Variants in KCNIP4 observed in about 807,000 individuals in gnomAD.
KCNIP4 encodes the protein potassium voltage-gated channel interacting protein 4.
In KCNIP4, 12 loss-of-function variants were observed where a neutral mutation model predicts 34.0. That is an observed-to-expected ratio of 0.35 (90% CI 0.23 to 0.57). The LOEUF is 0.57. Among genes scored for constraint, KCNIP4 ranks in the 20% least tolerant of loss-of-function variants. KCNIP4 has a pLI of 0.83. For synonymous variants in KCNIP4, 124 were observed against 102.2 expected, an observed-to-expected ratio of 1.21 and a Z score of -1.29; for missense variants, 238 against 311.7, an observed-to-expected ratio of 0.76 and a Z score of 1.78.
intron 1 of KCNIP4, among the ~76,000 whole-genome samples, chr4:20,937,875 AG>A (rs1731241843): frequency 6.6e-6 from 1 of 151,988 alleles, no homozygotes; most frequent in Admixed American, 6.6e-5. Context: ...GCCTAGTCAT[AG>A]GTTTAACTTT....
intron 1 of KCNIP4, chr4:21,697,512 G>GAAAAA: frequency 6.7e-7 from 1 of 1,485,132 alleles, no homozygotes; most frequent in Non-Finnish European, 8.8e-7. Flanking sequence ...AATAAAAAGA[G>GAAAAA]AGTCTCTGAG....
intron 2 of KCNIP4, among the ~76,000 whole-genome samples, chr4:20,868,141 A>C (rs1192602296): frequency 6.6e-6 from 1 of 152,140 alleles, no homozygotes; most frequent in Non-Finnish European, 1.5e-5. Flanking sequence ...AGGGAACTTA[A>C]ATCAACAAGC....
intron 1 of KCNIP4, among the ~76,000 whole-genome samples, chr4:21,096,238 C>T (rs1747448741): frequency 6.6e-6 from 1 of 152,094 alleles, no homozygotes; most frequent in Non-Finnish European, 1.5e-5. Flanking sequence ...TCATCCCATA[C>T]CCTCATTTGT....
At chr4:20,760,048 G>T (rs2149360400) in intron 3 of KCNIP4, among the ~76,000 whole-genome samples, 1 of 152,216 alleles carries the variant, frequency 6.6e-6, no homozygotes, top group East Asian at 1.9e-4. Context: ...AAATTCAGAG[G>T]GGCGACTATA....
At chr4:21,016,400 G>A (rs1426090255) in intron 1 of KCNIP4, among the ~76,000 whole-genome samples, 1 of 150,804 alleles carries the variant, frequency 6.6e-6, no homozygotes, top group Non-Finnish European at 1.5e-5. Flanking sequence ...CCGGGTTCAC[G>A]CCATTCTCCT....
At chr4:20,864,608 G>A (rs1722679803) in intron 2 of KCNIP4, among the ~76,000 whole-genome samples, 1 of 151,936 alleles carries the variant, frequency 6.6e-6, no homozygotes. Context: ...CCCCAGAGCA[G>A]GAGAGAGGAT....
intron 1 of KCNIP4, among the ~76,000 whole-genome samples, chr4:21,350,211 A>T (rs972047390): frequency 2.0e-5 from 3 of 152,174 alleles, no homozygotes; most frequent in Admixed American, 6.5e-5. Context: ...TTAACTAAGA[A>T]TTTTGAGTCC....
chr4:21,897,031 A>T (rs1289126907), intron 1 of KCNIP4, among the ~76,000 whole-genome samples: 1 of 152,026 alleles, frequency 6.6e-6, no homozygotes, highest in Non-Finnish European at 1.5e-5. Context: ...TAGTGTATAG[A>T]TTGGATGTTG....
intron 1 of KCNIP4, among the ~76,000 whole-genome samples, chr4:21,043,324 T>C (rs1181033232): frequency 6.6e-6 from 1 of 152,156 alleles, no homozygotes; most frequent in African/African-American, 2.4e-5. Flanking sequence ...TTTGTATTTG[T>C]TTTTTCTGTT....
At position 21,480,911 on chromosome 4, in the gene KCNIP4, T is replaced by C. The variant is rs192563114; in HGVS notation, c.61+467660A>G. Reference sequence around the variant, plus strand: ...AACAAAATCCCAAAGGATGTTCTTTTATTGCACACAGCATGGCCACTTAAA... The same window carrying C: ...AACAAAATCCCAAAGGATGTTCTTTCATTGCACACAGCATGGCCACTTAAA... On this transcript the variant is annotated intron_variant, in intron 1 of 8. Transcript: ENST00000382152. Among the ~76,000 whole-genome samples, 637 of 152,306 alleles carry C rather than the reference T, an allele frequency of 4.2e-3. 4 individuals are homozygous for C. Among genetic ancestry groups the C allele is most frequent in the Non-Finnish European group, 6.3e-3 (431 of 68,026 alleles).
At chr4:21,377,008 ATT>A (rs58715257) in intron 1 of KCNIP4, among the ~76,000 whole-genome samples, 1 of 151,958 alleles carries the variant, frequency 6.6e-6, no homozygotes, top group African/African-American at 2.4e-5. Context: ...ATAGGAAGGC[ATT>A]TTTTTTCCTT....
intron 1 of KCNIP4, among the ~76,000 whole-genome samples, chr4:21,375,748 T>G (rs1720903640): frequency 6.6e-6 from 1 of 151,992 alleles, no homozygotes; most frequent in African/African-American, 2.4e-5. Context: ...TTTTGTATTT[T>G]TAGTAGAGGC....
At chr4:20,848,801 T>TA (rs1287737130) in intron 3 of KCNIP4, among the ~76,000 whole-genome samples, 1 of 151,886 alleles carries the variant, frequency 6.6e-6, no homozygotes, top group African/African-American at 2.4e-5. Flanking sequence ...AATCCAATGT[T>TA]AAAAAGAAAA....
At chr4:21,891,750 A>C (rs1727108264) in intron 1 of KCNIP4, among the ~76,000 whole-genome samples, 1 of 152,158 alleles carries the variant, frequency 6.6e-6, no homozygotes, top group South Asian at 2.1e-4. Flanking sequence ...GAACTCTACC[A>C]ATAATTCTTT....
At chr4:21,812,260 C>T (rs1404915684) in intron 1 of KCNIP4, among the ~76,000 whole-genome samples, 1 of 152,064 alleles carries the variant, frequency 6.6e-6, no homozygotes, top group Non-Finnish European at 1.5e-5. Flanking sequence ...ATTAACATCA[C>T]CCTTTGAGAA....
intron 1 of KCNIP4, chr4:20,984,069 C>T: frequency 7.5e-7 from 1 of 1,336,798 alleles, no homozygotes; most frequent in Non-Finnish European, 9.9e-7. Flanking sequence ...CCCTGCAAAG[C>T]CGGCGGCCCC....
chr4:20,797,174 G>A (rs531941776), intron 3 of KCNIP4, among the ~76,000 whole-genome samples: 23 of 152,320 alleles, frequency 1.5e-4, no homozygotes, highest in Admixed American at 1.4e-3. Context: ...ATTTAGTGGA[G>A]GGAGGTAATA....
intron 1 of KCNIP4, among the ~76,000 whole-genome samples, chr4:21,430,925 C>CA (rs138940163): frequency 0.045 from 6,252 of 139,608 alleles, 186 homozygotes; most frequent in East Asian, 0.09. Flanking sequence ...AAAGACTTTC[C>CA]AAAAAAAAAA....
intron 1 of KCNIP4, among the ~76,000 whole-genome samples, chr4:21,610,057 T>C (rs1673341408): frequency 6.6e-6 from 1 of 152,222 alleles, no homozygotes; most frequent in South Asian, 2.1e-4. Context: ...TAGGGATACT[T>C]CTCCTGCTGT....
Sources: gnomAD v4.1 joint callset for allele counts (sites outside exome capture counted in the v4.1 genomes callset) on GRCh38, gnomAD v4.1.1 for gene constraint, MANE v1.5 for transcripts, NCBI Gene and HGNC (gene_info 2026-07-23, HGNC 2026-07-21) for gene names.